The following TNNI3K variants were observed in gnomAD, a reference collection of about 807,000 sequenced individuals.
The protein encoded by TNNI3K is TNNI3 interacting kinase.
In TNNI3K, 140 loss-of-function variants were observed where a neutral mutation model predicts 114.5. That is an observed-to-expected ratio of 1.22 (90% confidence interval 1.07 to 1.41). The LOEUF (loss-of-function observed/expected upper bound fraction) is 1.41. Ranked by LOEUF, TNNI3K falls within the 40% of genes most tolerant of loss-of-function variation. The pLI, the probability that TNNI3K is intolerant of heterozygous loss-of-function variation, is 0.00. For synonymous variants in TNNI3K, 347 were observed against 347.5 expected, an observed-to-expected ratio of 1.00 and a Z score of 0.02; for missense variants, 1,125 against 1,007.6, an observed-to-expected ratio of 1.12 and a Z score of -1.58.
Position 74,344,151 on chromosome 1 carries a change from A to T in TNNI3K, c.932+972A>T, listed in dbSNP as rs551705387. Among the ~76,000 whole-genome samples, 5 of 152,356 alleles carry T rather than the reference A, an allele frequency of 3.3e-5. No homozygotes were observed. The South Asian group carries it at 1.0e-3, about 32-fold the overall frequency. ...TTAAGCTTGTGCTTCTGCATCAGGC[A>T]TCAACCTGTCAAATTTCACATACAT... On this transcript the variant is annotated intron_variant, in intron 9 of 24. Transcript: ENST00000326637.
intron 11 of TNNI3K, among the ~76,000 whole-genome samples, chr1:74,362,592 G>A (rs1025521992): frequency 6.6e-6 from 1 of 152,050 alleles, no homozygotes; most frequent in Non-Finnish European, 1.5e-5. Context: ...GAGATAAATT[G>A]TACTTCCCTT....
intron 23 of TNNI3K, among the ~76,000 whole-genome samples, chr1:74,499,798 T>C (rs1669516573): frequency 6.6e-6 from 1 of 152,138 alleles, no homozygotes. Context: ...ATTTTTGCAT[T>C]TATTTAGATG....
At chr1:74,308,099 C>T (rs1160368690) in intron 5 of TNNI3K, among the ~76,000 whole-genome samples, 1 of 151,752 alleles carries the variant, frequency 6.6e-6, no homozygotes, top group African/African-American at 2.4e-5. Flanking sequence ...TTGCATTAGA[C>T]AGCTCATCAA....
chr1:74,445,221 C>CT (rs71078192), intron 20 of TNNI3K, among the ~76,000 whole-genome samples: 1,756 of 145,596 alleles, frequency 0.012, 30 homozygotes, highest in East Asian at 0.057. Flanking sequence ...TTTTTTCTTT[C>CT]TTTTTTTTTT....
At chr1:74,252,590 T>C (rs1654996065) in intron 4 of TNNI3K, among the ~76,000 whole-genome samples, 1 of 152,174 alleles carries the variant, frequency 6.6e-6, no homozygotes, top group Non-Finnish European at 1.5e-5. Context: ...GTCCAGAGTT[T>C]GTTCCTTCTG....
At chr1:74,518,008 A>T (rs1411461342) in intron 23 of TNNI3K, among the ~76,000 whole-genome samples, 1 of 152,186 alleles carries the variant, frequency 6.6e-6, no homozygotes, top group Admixed American at 6.5e-5. Context: ...GTGGGAAGTC[A>T]TTCAAAGTTT....
At chr1:74,474,256 G>C (rs1311157521) in intron 21 of TNNI3K, among the ~76,000 whole-genome samples, 1 of 152,084 alleles carries the variant, frequency 6.6e-6, no homozygotes. Flanking sequence ...GAAAGGGTAA[G>C]TGCTTATTTC....
intron 24 of TNNI3K, 36 bp downstream of exon 24, chr1:74,540,349 C>T: frequency 6.3e-7 from 1 of 1,593,652 alleles, no homozygotes; most frequent in Non-Finnish European, 8.6e-7. Context: ...GTTAAGAAAA[C>T]TACCCCTAGG....
chr1:74,392,207 G>T (rs1663824831), intron 17 of TNNI3K, among the ~76,000 whole-genome samples: 1 of 152,122 alleles, frequency 6.6e-6, no homozygotes, highest in South Asian at 2.1e-4. Flanking sequence ...AGAGGGCTGT[G>T]GGTCAGGGAG....
chr1:74,425,280 G>A (rs1665582624), intron 17 of TNNI3K, among the ~76,000 whole-genome samples: 1 of 152,086 alleles, frequency 6.6e-6, no homozygotes, highest in African/African-American at 2.4e-5. Context: ...ATCCAGCAAT[G>A]TAGTAAAAGC....
chr1:74,349,118 A>G (rs1661187390), intron 9 of TNNI3K, among the ~76,000 whole-genome samples: 1 of 152,138 alleles, frequency 6.6e-6, no homozygotes, highest in Non-Finnish European at 1.5e-5. Context: ...ATTCAGTATG[A>G]TATTGGCTGT....
At chr1:74,434,820 A>T (rs1449212845) in intron 17 of TNNI3K, among the ~76,000 whole-genome samples, 1 of 152,110 alleles carries the variant, frequency 6.6e-6, no homozygotes, top group Non-Finnish European at 1.5e-5. Context: ...AAGATTATTT[A>T]TACTCCAAAG....
rs552783073 is a variant in TNNI3K at position 74,410,907 on chromosome 1, G to C, written c.1773-25173G>C. On this transcript the variant is annotated intron_variant, in intron 17 of 24. Transcript: ENST00000326637. ...GACTGATTTCTTTCAGTGTTCACTTGTGTCCTGTGGTGATTAAGAGATTGT... is the reference window on the plus strand; with the variant it reads ...GACTGATTTCTTTCAGTGTTCACTTCTGTCCTGTGGTGATTAAGAGATTGT... 9.2e-5 allele frequency among the ~76,000 whole-genome samples: 14 copies of C among 152,266 alleles called. No homozygotes were observed. In the South Asian group the frequency reaches 1.2e-3, roughly 14 times the overall value.
intron 23 of TNNI3K, among the ~76,000 whole-genome samples, chr1:74,497,902 C>T (rs1039863568): frequency 6.6e-6 from 1 of 152,110 alleles, no homozygotes; most frequent in East Asian, 1.9e-4. Flanking sequence ...ATCATACGTT[C>T]CAGTGGTTCT....
chr1:74,527,444 A>G (rs1198606211), intron 23 of TNNI3K, among the ~76,000 whole-genome samples: 1 of 152,236 alleles, frequency 6.6e-6, no homozygotes, highest in Admixed American at 6.5e-5. Flanking sequence ...GTAAATGACA[A>G]AAACAAGTCT....
chr1:74,272,155 T>C lies in TNNI3K; in HGVS notation c.444+447T>C, dbSNP rs765315969. Among the ~76,000 whole-genome samples, 8 of 151,974 alleles carry C rather than the reference T, an allele frequency of 5.3e-5. No homozygotes were observed. The South Asian group carries it at 6.2e-4, about 12-fold the overall frequency. On this transcript the variant is annotated intron_variant, in intron 5 of 24. Coordinates refer to ENST00000326637, the MANE Select transcript of TNNI3K (RefSeq NM_015978.3). ...AATCATTCACTCATTCATCTACTTA[T>C]GTATTACTTGAATGAATATTTATTC... is the stretch of plus-strand genomic sequence containing the variant.
chr1:74,339,435 T>G (rs893442483), intron 7 of TNNI3K, among the ~76,000 whole-genome samples: 4 of 152,114 alleles, frequency 2.6e-5, no homozygotes, highest in Admixed American at 2.0e-4. Context: ...GTTAGTTCAC[T>G]TATTCTAAAA....
chr1:74,425,469 T>C (rs1216331297), intron 17 of TNNI3K, among the ~76,000 whole-genome samples: 2 of 152,134 alleles, frequency 1.3e-5, no homozygotes, highest in African/African-American at 4.8e-5. Context: ...TTTGGTCTGA[T>C]AACTAACGAA....
At chr1:74,303,328 A>T (rs7543252) in intron 5 of TNNI3K, among the ~76,000 whole-genome samples, 8,195 of 151,612 alleles carry the variant, frequency 0.054, 713 homozygotes, top group African/African-American at 0.19. Flanking sequence ...ATGCCCAGAT[A>T]TTTTTTTTCT....
Sources: allele counts gnomAD v4.1 joint callset (sites outside exome capture counted in the v4.1 genomes callset), GRCh38; gene constraint gnomAD v4.1.1; transcripts MANE v1.5; gene names NCBI Gene and HGNC (gene_info 2026-07-23, HGNC 2026-07-21).